The following CCSER1 variants were observed in gnomAD, a reference collection of about 807,000 sequenced individuals.
CCSER1 encodes the protein serine-rich coiled-coil domain-containing protein 1.
A neutral mutation model predicts 82.0 loss-of-function variants in CCSER1; 41 were observed. The ratio of observed to expected loss-of-function variants is 0.50; its 90% CI spans 0.39 to 0.65. The LOEUF is 0.65. CCSER1 is among the 30% of genes least tolerant of loss of function. The pLI, the probability that CCSER1 is intolerant of heterozygous loss-of-function variation, is 0.00. For synonymous variants in CCSER1, 414 were observed against 383.9 expected, an observed-to-expected ratio of 1.08 and a Z score of -0.92; for missense variants, 1,119 against 1,064.2, an observed-to-expected ratio of 1.05 and a Z score of -0.72.
chr4:90,607,165 G>A (rs889752168), intron 5 of CCSER1, among the ~76,000 whole-genome samples: 1 of 152,114 alleles, frequency 6.6e-6, no homozygotes, highest in East Asian at 1.9e-4. Flanking sequence ...AACCAAAAGC[G>A]TCAGAATATA....
intron 9 of CCSER1, among the ~76,000 whole-genome samples, chr4:90,976,533 C>T (rs1407504393): frequency 2.6e-5 from 4 of 151,054 alleles, no homozygotes; most frequent in Non-Finnish European, 5.9e-5. Context: ...ACCCAGTAAT[C>T]CTATTTCTGG....
intron 1 of CCSER1, among the ~76,000 whole-genome samples, chr4:90,175,129 GTAAA>G (rs1307159903): frequency 2.0e-5 from 3 of 151,978 alleles, no homozygotes; most frequent in Admixed American, 2.0e-4. Flanking sequence ...AGGTGGATGG[GTAAA>G]TAAACTGTGG....
rs116341257 is a variant in CCSER1, at chr4:91,050,571, T to C, written c.2173-35379T>C. On this transcript the variant is annotated intron_variant, in intron 9 of 10. Transcript: ENST00000509176. ...CATTGTATTGATAACATAAATTTTG[T>C]ATTTATGCAAATTAAGATAACAAAG... 2.8e-3 allele frequency among the ~76,000 whole-genome samples: 425 copies of C among 152,340 alleles called. 1 individual carries two copies. The highest frequency in any genetic ancestry group is 9.6e-3 in the African/African-American group (400 of 41,578).
At chr4:91,079,867 C>T (rs908990612) in intron 9 of CCSER1, among the ~76,000 whole-genome samples, 3 of 152,150 alleles carry the variant, frequency 2.0e-5, no homozygotes, top group African/African-American at 4.8e-5. Flanking sequence ...AAAGAGCTAA[C>T]TATTCTAAAT....
chr4:90,914,656 A>G (rs1319314046), intron 8 of CCSER1, among the ~76,000 whole-genome samples: 1 of 151,934 alleles, frequency 6.6e-6, no homozygotes, highest in Admixed American at 6.6e-5. Flanking sequence ...AGCAGAATTG[A>G]AGGAAATAGA....
intron 5 of CCSER1, among the ~76,000 whole-genome samples, chr4:90,510,757 T>C (rs2082793240): frequency 6.6e-6 from 1 of 152,290 alleles, no homozygotes; most frequent in East Asian, 1.9e-4. Context: ...TAATTGAAGT[T>C]GTAGTGATAT....
At chr4:91,184,971 T>A (rs1734387615) in intron 10 of CCSER1, among the ~76,000 whole-genome samples, 1 of 152,202 alleles carries the variant, frequency 6.6e-6, no homozygotes, top group African/African-American at 2.4e-5. Flanking sequence ...CCCTTCACAA[T>A]GCAAAATATA....
intron 1 of CCSER1, among the ~76,000 whole-genome samples, chr4:90,233,425 A>G (rs1319198884): frequency 3.9e-5 from 6 of 152,092 alleles, no homozygotes; most frequent in Admixed American, 3.3e-4. Context: ...TTGAACAATG[A>G]GAACACATGG....
intron 8 of CCSER1, among the ~76,000 whole-genome samples, chr4:90,841,805 C>T (rs1485073581): frequency 6.6e-6 from 1 of 152,046 alleles, no homozygotes; most frequent in Non-Finnish European, 1.5e-5. Context: ...TCTTGGTACT[C>T]TGGAAGTGTG....
chr4:90,380,268 G>A (rs919049880), intron 3 of CCSER1, among the ~76,000 whole-genome samples: 1 of 152,164 alleles, frequency 6.6e-6, no homozygotes, highest in Non-Finnish European at 1.5e-5. Flanking sequence ...GATGTATGAT[G>A]TGGCTAAAGT....
chr4:90,549,127 A>C (rs574332150), intron 5 of CCSER1, among the ~76,000 whole-genome samples: 1 of 152,304 alleles, frequency 6.6e-6, no homozygotes, highest in South Asian at 2.1e-4. Context: ...TTTTTCACTA[A>C]TCATCCACTG....
At chr4:90,347,566 G>A (rs564837606) in intron 3 of CCSER1, among the ~76,000 whole-genome samples, 19 of 152,202 alleles carry the variant, frequency 1.2e-4, no homozygotes, top group East Asian at 3.9e-4. Context: ...TTCCCAGAAC[G>A]TGAATCATCT....
intron 1 of CCSER1, among the ~76,000 whole-genome samples, chr4:90,256,080 C>G (rs1313191089): frequency 6.6e-6 from 1 of 152,064 alleles, no homozygotes; most frequent in Non-Finnish European, 1.5e-5. Flanking sequence ...TTTTCTTCAT[C>G]TTATATAATT....
At chr4:90,349,685 G>A (rs1055177759) in intron 3 of CCSER1, among the ~76,000 whole-genome samples, 1 of 151,730 alleles carries the variant, frequency 6.6e-6, no homozygotes, top group African/African-American at 2.4e-5. Context: ...TTATCTCTTA[G>A]TATACATTGT....
At chr4:90,675,021 C>G (rs1219556462) in intron 6 of CCSER1, among the ~76,000 whole-genome samples, 1 of 151,940 alleles carries the variant, frequency 6.6e-6, no homozygotes, top group Non-Finnish European at 1.5e-5. Context: ...GTGTCTGAAA[C>G]CAGACTGCCA....
At chr4:90,210,949 A>T (rs1017427881) in intron 1 of CCSER1, among the ~76,000 whole-genome samples, 3 of 151,998 alleles carry the variant, frequency 2.0e-5, no homozygotes, top group African/African-American at 7.3e-5. Context: ...CTGTTGTCTT[A>T]TGGGAGAGAT....
chr4:90,771,692 A>T (rs1752199889), intron 7 of CCSER1, among the ~76,000 whole-genome samples: 1 of 151,982 alleles, frequency 6.6e-6, no homozygotes, highest in African/African-American at 2.4e-5. Flanking sequence ...TTAATTTGTA[A>T]ATTTTCAATT....
At chr4:90,470,761 G>GTA (rs1764252212) in intron 5 of CCSER1, among the ~76,000 whole-genome samples, 1 of 37,546 alleles carries the variant, frequency 2.7e-5, no homozygotes, top group African/African-American at 2.5e-4. Context: ...TTTAATCAAA[G>GTA]CAAAAAAAAA....
chr4:90,768,624 T>C (rs1279760827), intron 7 of CCSER1, among the ~76,000 whole-genome samples: 4 of 152,196 alleles, frequency 2.6e-5, no homozygotes, highest in Admixed American at 6.6e-5. Flanking sequence ...TAGTTTTCAA[T>C]AAGGCTGTAG....
Sources: gnomAD v4.1 joint callset for allele counts (sites outside exome capture counted in the v4.1 genomes callset) on GRCh38, gnomAD v4.1.1 for gene constraint, MANE v1.5 for transcripts, NCBI Gene and HGNC (gene_info 2026-07-23, HGNC 2026-07-21) for gene names.